RALGPS2: variants seen among roughly 807,000 people sequenced by gnomAD.
RALGPS2 encodes Ral GEF with PH domain and SH3 binding motif 2.
RALGPS2 carries 43 observed loss-of-function variants against 86.8 expected under a neutral mutation model. The ratio of observed to expected loss-of-function variants is 0.50; its 90% CI spans 0.39 to 0.64. RALGPS2 has a LOEUF of 0.64. RALGPS2 is among the 30% of genes least tolerant of loss of function. The probability of loss-of-function intolerance (pLI) is 0.00; values close to 1 mark genes in which losing one functional copy is unlikely to be tolerated. For synonymous variants in RALGPS2, 243 were observed against 231.3 expected, an observed-to-expected ratio of 1.05 and a Z score of -0.46; for missense variants, 536 against 694.6, an observed-to-expected ratio of 0.77 and a Z score of 2.57.
At chr1:178,847,952 G>A (rs967526597) in intron 8 of RALGPS2, among the ~76,000 whole-genome samples, 2 of 152,174 alleles carry the variant, frequency 1.3e-5, no homozygotes, top group Non-Finnish European at 2.9e-5. Context: ...AGGTGTTCTA[G>A]GCAATGATGG....
chr1:178,761,215 A>T (rs1490004900), intron 1 of RALGPS2, among the ~76,000 whole-genome samples: 3 of 152,058 alleles, frequency 2.0e-5, no homozygotes, highest in Non-Finnish European at 4.4e-5. Flanking sequence ...GCCTCAAGTG[A>T]TCTGCCCACC....
chr1:178,737,371 G>A (rs1455823725), intron 1 of RALGPS2, among the ~76,000 whole-genome samples: 1 of 152,042 alleles, frequency 6.6e-6, no homozygotes, highest in African/African-American at 2.4e-5. Flanking sequence ...TCAGCCTCGC[G>A]AGTAGCTGGG....
intron 16 of RALGPS2, among the ~76,000 whole-genome samples, chr1:178,896,317 G>A (rs1421684974): frequency 2.0e-5 from 3 of 152,068 alleles, no homozygotes; most frequent in Admixed American, 2.0e-4. Flanking sequence ...AGAGAAATTG[G>A]TTGGTGTCTG....
rs149529457 is a variant in RALGPS2 at position 178,883,616 on chromosome 1, T to A, written c.904+83T>A. 1,664 of 1,038,230 alleles carry A rather than the reference T, an allele frequency of 1.6e-3. 12 individuals carry two copies. The African/African-American group carries it at 0.023, about 15-fold the overall frequency. 64.3% of individuals were successfully genotyped at this position (1,038,230 alleles called of 1,614,324 possible). ...AATATACTCCAAAGTAAATAAAAAC[T>A]TAGTACATCTTATACTGCATGTAAA... On this transcript the variant is annotated intron_variant, in intron 11 of 19. Coordinates refer to ENST00000367635, the MANE Select transcript of RALGPS2 (RefSeq NM_152663.5).
chr1:178,873,221 T>A (rs1323270980), intron 8 of RALGPS2, among the ~76,000 whole-genome samples: 1 of 152,180 alleles, frequency 6.6e-6, no homozygotes, highest in Non-Finnish European at 1.5e-5. Context: ...TCAGATTATT[T>A]AGTGTGTTGA....
At chr1:178,911,305 G>A (rs1049571631) in intron 19 of RALGPS2, among the ~76,000 whole-genome samples, 1 of 151,816 alleles carries the variant, frequency 6.6e-6, no homozygotes, top group African/African-American at 2.4e-5. Flanking sequence ...CTTTGGGGTT[G>A]GTTTCCTTTT....
chr1:178,864,821 T>TA (rs1658271947), intron 8 of RALGPS2: 1 of 534,304 alleles, frequency 1.9e-6, no homozygotes, highest in Non-Finnish European at 2.9e-6. Context: ...TTGATATTAA[T>TA]AAAAAACAAT....
intron 10 of RALGPS2, 21 bp downstream of exon 10, chr1:178,879,013 T>C: frequency 6.2e-7 from 1 of 1,610,656 alleles, no homozygotes; most frequent in Non-Finnish European, 8.5e-7. Context: ...TCTTCAAAAG[T>C]GGTTTGTATA....
At chr1:178,821,544 G>A (rs976708548) in intron 6 of RALGPS2, 68 bp from the exon 7 acceptor site, 35 of 1,197,196 alleles carry the variant, frequency 2.9e-5, no homozygotes, top group Non-Finnish European at 3.7e-5. Flanking sequence ...GTACTTGTTA[G>A]TCTAAATTTT....
rs143955417 is a variant in RALGPS2, at chr1:178,737,525, C to T, written c.-84+12106C>T. Among the ~76,000 whole-genome samples, 7 of 152,264 alleles carry T rather than the reference C, an allele frequency of 4.6e-5. No homozygotes were observed. In the East Asian group the frequency reaches 1.4e-3, roughly 29 times the overall value. The stretch of plus-strand genomic sequence containing the variant: ...CTTCCCAAAGTGCTGGGATTACAGG[C>T]ATGAGCCACCGCACCTGGCCAGCGC... On this transcript the variant is annotated intron_variant, in intron 1 of 19. Transcript: ENST00000367635.
chr1:178,829,383 G>A (rs1655906871), intron 7 of RALGPS2, among the ~76,000 whole-genome samples: 1 of 152,202 alleles, frequency 6.6e-6, no homozygotes, highest in Non-Finnish European at 1.5e-5. Context: ...CAGCAGGCAA[G>A]TGAGCATTAC....
intron 10 of RALGPS2, among the ~76,000 whole-genome samples, chr1:178,880,259 A>G (rs1659188010): frequency 6.6e-6 from 1 of 152,180 alleles, no homozygotes; most frequent in Admixed American, 6.5e-5. Flanking sequence ...AGTTTTTAAA[A>G]AATTTTGTAG....
Position 178,883,509 on chromosome 1 carries a change from G to T in RALGPS2, c.880G>T (p.Ala294Ser), listed in dbSNP as rs1214353129. ...IEPGTSTPRS[A>S]ASREDLVGPE... ...ACCAGGGACAAGCACCCCACGTTCT[G>T]CTGCTTCCAGAGAAGATTTAGTAGG... The change falls in exon 11 of 20, where the codon GCT becomes TCT. Residue 294 changes from alanine to serine, a missense_variant. Coordinates refer to ENST00000367635, the MANE Select transcript of RALGPS2 (RefSeq NM_152663.5). The T allele has an allele frequency of 6.2e-7, 1 of 1,613,228 alleles. No individual in the cohort carries two copies. The highest frequency in any genetic ancestry group is 8.5e-7 in the Non-Finnish European group (1 of 1,179,378).
chr1:178,876,344 G>T (rs879615695), intron 8 of RALGPS2, among the ~76,000 whole-genome samples: 5 of 152,042 alleles, frequency 3.3e-5, no homozygotes, highest in African/African-American at 7.2e-5. Context: ...TAAGTGAAAC[G>T]TCTGAGATCC....
At position 178,918,296 on chromosome 1, in the gene RALGPS2, T is replaced by A. The variant is rs1660875836; in HGVS notation, c.*1937T>A. 1.3e-5 allele frequency: 2 copies of A among 152,206 alleles called. No homozygotes were observed. The highest frequency in any genetic ancestry group is 4.1e-4 in the South Asian group (2 of 4,830). 9.4% of individuals were successfully genotyped at this position (152,206 alleles called of 1,614,324 possible). ...ACATCTTACTTTTGTTTTGCATTTT[T>A]AAAAATTTCTTAATTTGTTTATTTC... is the stretch of plus-strand genomic sequence containing the variant. On this transcript the variant is annotated 3_prime_UTR_variant, in exon 20 of 20. Coordinates refer to ENST00000367635, the MANE Select transcript of RALGPS2 (RefSeq NM_152663.5).
chr1:178,821,482 G>T (rs1483855950), intron 6 of RALGPS2, 130 bp from the exon 7 acceptor site: 1 of 668,722 alleles, frequency 1.5e-6, no homozygotes, highest in African/African-American at 1.8e-5. Context: ...TCTAAAGACA[G>T]TTCTCAGTAA....
chr1:178,817,502 A>G (rs1037563090), intron 6 of RALGPS2, among the ~76,000 whole-genome samples: 10 of 151,962 alleles, frequency 6.6e-5, no homozygotes, highest in East Asian at 3.9e-4. Flanking sequence ...TCTTATTCCA[A>G]TATCTCTTTG....
chr1:178,881,066 C>CT (rs550823687), intron 10 of RALGPS2, among the ~76,000 whole-genome samples: 1 of 152,076 alleles, frequency 6.6e-6, no homozygotes, highest in Non-Finnish European at 1.5e-5. Flanking sequence ...GTGCTAGTTG[C>CT]TGGGATTATA....
chr1:178,813,094 G>A (rs374413351), intron 6 of RALGPS2, among the ~76,000 whole-genome samples: 23 of 151,810 alleles, frequency 1.5e-4, no homozygotes, highest in East Asian at 1.4e-3. Context: ...CACCACACCC[G>A]GCTAATTTTT....
Sources: allele counts gnomAD v4.1 joint callset (sites outside exome capture counted in the v4.1 genomes callset), GRCh38; gene constraint gnomAD v4.1.1; transcripts MANE v1.5; gene names NCBI Gene and HGNC (gene_info 2026-07-23, HGNC 2026-07-21).